Variants in CPSF4 observed in about 807,000 individuals in gnomAD.
CPSF4 encodes cleavage and polyadenylation specificity factor subunit 4.
CPSF4 carries 11 observed loss-of-function variants against 37.7 expected under a neutral mutation model. That is an observed-to-expected ratio of 0.29 (90% CI 0.18 to 0.48). The LOEUF is 0.48. Among genes scored for constraint, CPSF4 ranks in the 20% least tolerant of loss-of-function variants. The pLI is 0.99. For synonymous variants in CPSF4, 132 were observed against 135.9 expected (o/e 0.97, Z 0.20); for missense variants, 144 against 359.5 (o/e 0.40, Z 4.85).
intron 1 of CPSF4, chr7:99,443,018 T>G: frequency 2.1e-6 from 3 of 1,441,076 alleles, no homozygotes; most frequent in Non-Finnish European, 2.9e-6. Flanking sequence ...CTTCAGACTT[T>G]CTGGAAATTG....
intron 1 of CPSF4, chr7:99,441,635 T>C (rs1297739305): frequency 4.8e-6 from 2 of 418,100 alleles, no homozygotes; most frequent in Non-Finnish European, 9.7e-6. Flanking sequence ...AACTGTGTAT[T>C]TCTGAGCAGA....
At position 99,450,361 on chromosome 7, in the gene CPSF4, C is replaced by T. The variant is rs1210334637; in HGVS notation, c.393C>T (p.Phe131=). 1 of 1,612,600 alleles carries T rather than the reference C, an allele frequency of 6.2e-7. No homozygotes were observed. The highest frequency in any genetic ancestry group is 1.7e-5 in the Admixed American group (1 of 59,944). ...IKDCPWYDRG[F]CKHGPLCRHR... is the part of the protein sequence containing the mutation. ...ACTGTCCTTGGTATGACCGTGGCTT[C>T]TGCAAGCACGGTAGGTGCCAGGGTG... Residue 131 remains phenylalanine, a synonymous_variant, in exon 4 of 8, where the codon TTC becomes TTT. Transcript: ENST00000292476.
rs1798352182 is a variant in CPSF4 at position 99,456,911 on chromosome 7, G to A, written c.*411G>A. 1.4e-5 allele frequency: 5 copies of A among 351,748 alleles called. No homozygotes were observed. Among genetic ancestry groups the A allele is most frequent in the South Asian group, 4.5e-5 (2 of 44,580 alleles). The allele number at this position is 351,748 out of a possible 1,614,324, so 21.8% of individuals were successfully genotyped here. ...TCATTCAAAGCTGTGGCCAGCTCAC[G>A]CCTGCTTCCTCCCTCCCTGCCCTGC... On this transcript the variant is annotated 3_prime_UTR_variant, in exon 8 of 8. Transcript: ENST00000292476.
chr7:99,449,539 C>A (rs1797792174), intron 3 of CPSF4, among the ~76,000 whole-genome samples: 2 of 152,244 alleles, frequency 1.3e-5, no homozygotes, highest in African/African-American at 4.8e-5. Flanking sequence ...GACGCACTGT[C>A]TGCAGCTTCT....
At chr7:99,454,662 C>CTT (rs1798178949) in intron 7 of CPSF4, among the ~76,000 whole-genome samples, 1 of 152,190 alleles carries the variant, frequency 6.6e-6, no homozygotes, top group Non-Finnish European at 1.5e-5. Context: ...AGGAAAATCT[C>CTT]TTGATAGTTT....
chr7:99,441,971 C>G (rs1007529117), intron 1 of CPSF4, among the ~76,000 whole-genome samples: 2 of 152,160 alleles, frequency 1.3e-5, no homozygotes, highest in Non-Finnish European at 2.9e-5. Context: ...GGATTACAGA[C>G]GTGAGTCACC....
chr7:99,456,268 C>G (rs550917000), intron 7 of CPSF4, 164 bp from the exon 8 acceptor site: 24 of 658,224 alleles, frequency 3.6e-5, no homozygotes, highest in Non-Finnish European at 6.2e-5. Context: ...CCCTCACCCT[C>G]TAATTTGAAA....
rs1478451296 is a variant in CPSF4, at chr7:99,453,265, A to G, written c.571-701A>G. The G allele has an allele frequency of 6.6e-6, 1 of 152,524 alleles. No homozygotes were observed. The highest frequency in any genetic ancestry group is 2.4e-5 in the African/African-American group (1 of 41,470). The allele number at this position is 152,524 out of a possible 1,614,324, so 9.4% of individuals were successfully genotyped here. The stretch of plus-strand genomic sequence containing the variant: ...CTGGACTGGCTGCCAAAGCCCCACC[A>G]GCCCCGCTCAGTGCTAGAGGCTGAA... On this transcript the variant is annotated intron_variant, in intron 6 of 7. Transcript: ENST00000292476. The surrounding 1 kb of genome is among the most constrained non-coding windows in gnomAD (Gnocchi z 4.7).
At chr7:99,443,304 G>A in intron 1 of CPSF4, 1 of 838,236 alleles carries the variant, frequency 1.2e-6, no homozygotes, top group Non-Finnish European at 2.1e-6. Flanking sequence ...ATTTGACAAG[G>A]GGTTTTTTTC....
At chr7:99,440,567 G>C (rs1006566048) in intron 1 of CPSF4, among the ~76,000 whole-genome samples, 12 of 149,610 alleles carry the variant, frequency 8.0e-5, no homozygotes, top group Non-Finnish European at 1.3e-4. Context: ...TGTTTCCCAG[G>C]GTTGGTCTTG....
chr7:99,455,371 C>T (rs1277130814), intron 7 of CPSF4, among the ~76,000 whole-genome samples: 1 of 152,172 alleles, frequency 6.6e-6, no homozygotes, highest in Non-Finnish European at 1.5e-5. Flanking sequence ...GCAGCCTCTC[C>T]ATACAGAGTC....
At chr7:99,454,892 TA>T (rs1798198996) in intron 7 of CPSF4, among the ~76,000 whole-genome samples, 1 of 151,974 alleles carries the variant, frequency 6.6e-6, no homozygotes, top group Admixed American at 6.6e-5. Flanking sequence ...GAGTCCAGAT[TA>T]AAAATCACAA....
chr7:99,449,845 G>A (rs897725295), intron 3 of CPSF4, among the ~76,000 whole-genome samples: 1 of 152,196 alleles, frequency 6.6e-6, no homozygotes, highest in South Asian at 2.1e-4. Flanking sequence ...TGGCTGGGGG[G>A]TGGCAGAGGC....
chr7:99,442,655 C>CAAAAAAAAAAAAAAAA (rs751146641), intron 1 of CPSF4, among the ~76,000 whole-genome samples: 2 of 52,498 alleles, frequency 3.8e-5, no homozygotes, highest in African/African-American at 6.5e-5. Flanking sequence ...GACTCCGTCT[C>CAAAAAAAAAAAAAAAA]AAAAAAAAAA....
chr7:99,452,598 G>T (rs1439406839), intron 6 of CPSF4, 158 bp downstream of exon 6: 3 of 654,592 alleles, frequency 4.6e-6, no homozygotes, highest in South Asian at 1.7e-5. Flanking sequence ...GAGCAAAGCC[G>T]TGTATATCTC....
In CPSF4 at chr7:99,450,752, C is replaced by A; in HGVS notation, c.454C>A (p.Leu152Ile). 1 of 1,614,110 alleles carries A rather than the reference C, an allele frequency of 6.2e-7. No homozygotes were observed. Among genetic ancestry groups the A allele is most frequent in the South Asian group, 1.1e-5 (1 of 91,084 alleles). The stretch of plus-strand genomic sequence containing the variant: ...ACGGAGAGTCATCTGTGTGAATTAC[C>A]TCGTGGGATTCTGCCCGGAGGGGCC... Reference protein sequence around the residue: ...HTRRVICVNYLVGFCPEGPSC... With the variant: ...HTRRVICVNYIVGFCPEGPSC... The change falls in exon 5 of 8, where the codon CTC (leucine) becomes ATC (isoleucine). Residue 152 changes from leucine to isoleucine, a missense_variant. Transcript: ENST00000292476.
At chr7:99,452,736 GC>G in intron 6 of CPSF4, 3 of 336,950 alleles carry the variant, frequency 8.9e-6, no homozygotes, top group Non-Finnish European at 1.7e-5. Context: ...AGCAGCGTCT[GC>G]CCCTGGGGCT....
At chr7:99,447,492 G>A (rs899467760) in intron 2 of CPSF4, among the ~76,000 whole-genome samples, 1 of 151,050 alleles carries the variant, frequency 6.6e-6, no homozygotes, top group African/African-American at 2.4e-5. Flanking sequence ...GGCTGGTCTC[G>A]AACTCCTGAC....
At chr7:99,456,157 G>GAGCAGGTCGCT (rs1183957723) in intron 7 of CPSF4, among the ~76,000 whole-genome samples, 2 of 152,238 alleles carry the variant, frequency 1.3e-5, no homozygotes, top group Non-Finnish European at 2.9e-5. Context: ...GGGCCTGAAA[G>GAGCAGGTCGCT]AGCAGGTCGC....
Sources: gnomAD v4.1 joint callset for allele counts (sites outside exome capture counted in the v4.1 genomes callset) on GRCh38, gnomAD v4.1.1 for gene constraint, Gnocchi (gnomAD v3.1) non-coding constraint, MANE v1.5 for transcripts, NCBI Gene and HGNC (gene_info 2026-07-23, HGNC 2026-07-21) for gene names.